The following VPS13B variants were observed in gnomAD, a reference collection of about 807,000 sequenced individuals.
VPS13B encodes the protein vacuolar protein sorting 13 homolog B, also known as intermembrane lipid transfer protein VPS13B.
A neutral mutation model predicts 426.4 loss-of-function variants in VPS13B; 285 were observed. The observed-to-expected ratio is 0.67, with a 90% CI of 0.61 to 0.74. The LOEUF (loss-of-function observed/expected upper bound fraction) is 0.74, where lower values mean the gene tolerates loss of function less well. Among genes scored for constraint, VPS13B ranks in the 30% least tolerant of loss-of-function variants. The pLI is 0.00. For missense variants in VPS13B, 4,537 were observed against 4,782.6 expected, an observed-to-expected ratio of 0.95 and a Z score of 1.51; for synonymous variants, 1,676 against 1,676.4, an observed-to-expected ratio of 1.00 and a Z score of 0.01.
intron 21 of VPS13B, among the ~76,000 whole-genome samples, chr8:99,414,243 T>C (rs2133365648): frequency 6.6e-6 from 1 of 151,664 alleles, no homozygotes; most frequent in African/African-American, 2.4e-5. Flanking sequence ...CCCCTGCTTT[T>C]TTTTTTTTTT....
At chr8:99,127,647 A>G (rs1421279511) in intron 8 of VPS13B, among the ~76,000 whole-genome samples, 2 of 152,204 alleles carry the variant, frequency 1.3e-5, no homozygotes, top group African/African-American at 4.8e-5. Flanking sequence ...TCAAGGCTCC[A>G]GGAAACCTTT....
intron 24 of VPS13B, among the ~76,000 whole-genome samples, chr8:99,471,444 T>C (rs1819399600): frequency 6.6e-6 from 1 of 152,068 alleles, no homozygotes; most frequent in South Asian, 2.1e-4. Flanking sequence ...TATAAACTCT[T>C]AAGTAGACCG....
At chr8:99,108,337 A>C (rs907936073) in intron 5 of VPS13B, among the ~76,000 whole-genome samples, 1 of 152,158 alleles carries the variant, frequency 6.6e-6, no homozygotes, top group Non-Finnish European at 1.5e-5. Flanking sequence ...TGGTAGAAAG[A>C]TTTATATTCA....
intron 33 of VPS13B, among the ~76,000 whole-genome samples, 155 bp from the exon 34 acceptor site, chr8:99,641,656 A>G (rs966187337): frequency 6.6e-6 from 1 of 152,194 alleles, no homozygotes; most frequent in Non-Finnish European, 1.5e-5. Context: ...TCTGGTGTAG[A>G]AAATGGGCAC....
intron 17 of VPS13B, among the ~76,000 whole-genome samples, chr8:99,253,006 A>C (rs1817577710): frequency 6.6e-6 from 1 of 151,820 alleles, no homozygotes; most frequent in Non-Finnish European, 1.5e-5. Context: ...CTATTTCCCC[A>C]CAGCCCTTGG....
rs1163088279 is a variant in VPS13B at position 99,431,676 on chromosome 8, G to A, written c.3210+12G>A. On this transcript the variant is annotated intron_variant, in intron 22 of 61. Transcript: ENST00000357162. ...ATCTCACACTACAGGTAAAATAAAA[G>A]TTAGAAATATTATGGATATAATTTC... 1 of 1,610,866 alleles carries A rather than the reference G, an allele frequency of 6.2e-7. No homozygotes were observed. Among genetic ancestry groups the A allele is most frequent in the Non-Finnish European group, 8.5e-7 (1 of 1,178,440 alleles).
At chr8:99,678,989 C>A (rs1445318712) in intron 35 of VPS13B, among the ~76,000 whole-genome samples, 1 of 152,166 alleles carries the variant, frequency 6.6e-6, no homozygotes, top group Non-Finnish European at 1.5e-5. Flanking sequence ...CAGTGAGAAT[C>A]TCTATAAACT....
At chr8:99,474,183 A>ATGTTTTTTTTTTTTTTT (rs1819563507) in intron 24 of VPS13B, among the ~76,000 whole-genome samples, 1 of 124,994 alleles carries the variant, frequency 8.0e-6, no homozygotes, top group Non-Finnish European at 1.6e-5. Flanking sequence ...CTGTTATCCA[A>ATGTTTTTTTTTTTTTTT]TTTTTTTTTT....
At chr8:99,410,312 T>C (rs1391266257) in intron 21 of VPS13B, among the ~76,000 whole-genome samples, 1 of 152,110 alleles carries the variant, frequency 6.6e-6, no homozygotes, top group African/African-American at 2.4e-5. Flanking sequence ...TGGCCTTACC[T>C]CTAGTATACC....
intron 39 of VPS13B, among the ~76,000 whole-genome samples, chr8:99,745,974 C>T (rs952751274): frequency 1.3e-5 from 2 of 152,018 alleles, no homozygotes; most frequent in Admixed American, 6.6e-5. Flanking sequence ...ATAAGGATCC[C>T]GCTGAGGTCC....
At chr8:99,581,590 C>T (rs1826061459) in intron 33 of VPS13B, among the ~76,000 whole-genome samples, 1 of 152,230 alleles carries the variant, frequency 6.6e-6, no homozygotes, top group South Asian at 2.1e-4. Flanking sequence ...TTGGTTTCTG[C>T]CTTTAAATGA....
At position 99,861,815 on chromosome 8, in the gene VPS13B, C is replaced by G; in HGVS notation, c.11084C>G (p.Ala3695Gly). 2 of 1,598,868 alleles carry G rather than the reference C, an allele frequency of 1.3e-6. No homozygotes were observed. The highest frequency in any genetic ancestry group is 1.7e-6 in the Non-Finnish European group (2 of 1,173,018). Reference sequence around the variant, plus strand: ...ATCACCAACCTCGCCACAAGCCTGGCCCGGAACATGGACCGGCTCTCACTG... The same window carrying G: ...ATCACCAACCTCGCCACAAGCCTGGGCCGGAACATGGACCGGCTCTCACTG... ...TSITNLATSL[A>G]RNMDRLSLDE... Residue 3695 changes from alanine to glycine, a missense_variant, in exon 58 of 62, where the codon GCC becomes GGC. By Grantham distance (60) the Ala-to-Gly change is moderately conservative (BLOSUM62 0). Around this residue, in one of 2 missense-constraint regions of VPS13B, gnomAD observed 4,311 missense variants for 4,474.3 expected, o/e 0.96. Transcript: ENST00000357162.
At chr8:99,469,168 CT>C (rs35646881) in intron 24 of VPS13B, among the ~76,000 whole-genome samples, 28,451 of 127,640 alleles carry the variant, frequency 0.22, 2,483 homozygotes, top group East Asian at 0.4. Flanking sequence ...TCTTTCTTTC[CT>C]TTTTTTTTTT....
chr8:99,201,182 C>A (rs552031106), intron 17 of VPS13B, among the ~76,000 whole-genome samples: 2 of 152,130 alleles, frequency 1.3e-5, no homozygotes, highest in South Asian at 4.1e-4. Flanking sequence ...GTATATGTTT[C>A]ACTTTTACTA....
Position 99,219,041 on chromosome 8 carries a change from A to T in VPS13B, c.2515+25984A>T, listed in dbSNP as rs150129824. Among the ~76,000 whole-genome samples the T allele has an allele frequency of 3.7e-4, 56 of 152,172 alleles. 3 individuals carry two copies. The highest frequency in any genetic ancestry group is 2.9e-5 in the Non-Finnish European group (2 of 68,042). On this transcript the variant is annotated intron_variant, in intron 17 of 61. Transcript: ENST00000357162. ...CCTGGAATGGGCCCCTACTGTGGTC[A>T]TCAGCATGAGTGACCCAGATTATCT... is the stretch of plus-strand genomic sequence containing the variant.
chr8:99,503,789 G>A (rs547291441), intron 27 of VPS13B, among the ~76,000 whole-genome samples: 1 of 152,258 alleles, frequency 6.6e-6, no homozygotes, highest in South Asian at 2.1e-4. Context: ...TTCCTCCAGT[G>A]AGGTCTTGAA....
intron 36 of VPS13B, among the ~76,000 whole-genome samples, chr8:99,715,369 G>GTTGAAAATTGTGTGATCTTCTCT (rs1832869205): frequency 6.6e-6 from 1 of 152,122 alleles, no homozygotes; most frequent in African/African-American, 2.4e-5. Flanking sequence ...AGTACTAGAG[G>GTTGAAAATTGTGTGATCTTCTCT]TTGAAAATTG....
At chr8:99,630,309 T>C (rs1001862257) in intron 33 of VPS13B, among the ~76,000 whole-genome samples, 4 of 152,184 alleles carry the variant, frequency 2.6e-5, no homozygotes, top group Non-Finnish European at 1.5e-5. Context: ...TTCCATACAC[T>C]TACTTTTTCC....
intron 30 of VPS13B, among the ~76,000 whole-genome samples, chr8:99,522,723 T>G (rs981410802): frequency 6.6e-6 from 1 of 152,214 alleles, no homozygotes; most frequent in African/African-American, 2.4e-5. Context: ...AAATTCTAGA[T>G]GCTGGATGGC....
Sources: gnomAD v4.1 joint callset for allele counts (sites outside exome capture counted in the v4.1 genomes callset) on GRCh38, gnomAD v4.1.1 for gene constraint, gnomAD v4.1.1 regional missense constraint, MANE v1.5 for transcripts, NCBI Gene and HGNC (gene_info 2026-07-23, HGNC 2026-07-21) for gene names.